TPO: variants seen among roughly 807,000 people sequenced by gnomAD.
The protein encoded by TPO is thyroid microsomal antigen.
TPO carries 78 observed loss-of-function variants against 96.9 expected under a neutral mutation model. That is an observed-to-expected ratio of 0.81 (90% confidence interval 0.67 to 0.97). The LOEUF is 0.97. Among genes scored for constraint, TPO ranks in the 50% least tolerant of loss-of-function variants. TPO has a pLI of 0.00. For synonymous variants in TPO, 547 were observed against 538.0 expected (o/e 1.02, Z -0.23); for missense variants, 1,252 against 1,274.8 (o/e 0.98, Z 0.27).
chr2:1,396,242 A>T (rs1226758654), intron 1 of TPO, among the ~76,000 whole-genome samples: 6 of 152,200 alleles, frequency 3.9e-5, no homozygotes, highest in Non-Finnish European at 8.8e-5. Flanking sequence ...GCTAAAAAGT[A>T]ATCTGGGAAA....
intron 2 of TPO, among the ~76,000 whole-genome samples, chr2:1,422,323 G>C (rs1663691563): frequency 7.6e-6 from 1 of 131,250 alleles, no homozygotes. Flanking sequence ...GACAGACCTC[G>C]TGCAGGCGCC....
intron 13 of TPO, 101 bp from the exon 14 acceptor site, chr2:1,503,847 T>C: frequency 3.1e-6 from 5 of 1,603,914 alleles, no homozygotes; most frequent in Middle Eastern, 1.7e-4. Flanking sequence ...GGCAAAGGGC[T>C]GACCTCCCCA....
intron 8 of TPO, among the ~76,000 whole-genome samples, chr2:1,478,588 G>A (rs1279132021): frequency 6.6e-6 from 1 of 152,242 alleles, no homozygotes; most frequent in Non-Finnish European, 1.5e-5. Flanking sequence ...CATGCGCTGG[G>A]TGTTAACCCT....
intron 15 of TPO, among the ~76,000 whole-genome samples, chr2:1,524,623 T>C (rs1573544450): frequency 1.4e-5 from 1 of 70,740 alleles, no homozygotes. Context: ...GTGTGCAACC[T>C]CCTCAAATCC....
chr2:1,530,788 G>C (rs572159450), intron 15 of TPO, among the ~76,000 whole-genome samples: 1,333 of 72,260 alleles, frequency 0.018, 273 homozygotes, highest in Non-Finnish European at 0.026. Context: ...GGGGGGCAAC[G>C]TCCTCAAATC....
Position 1,477,608 on chromosome 2 carries a change from C to T in TPO, c.1338+4C>T, listed in dbSNP as rs1242354025. On this transcript the variant is annotated splice_donor_region_variant and intron_variant, in intron 8 of 16. Coordinates refer to ENST00000329066, the MANE Select transcript of TPO (RefSeq NM_001206744.2). Reference sequence around the variant, plus strand: ...GGTCGTGGGCGCTCTGCACCAGGTGCGCGGGGTGGTCCTGGGCGCCCTGGG... The same window carrying T: ...GGTCGTGGGCGCTCTGCACCAGGTGTGCGGGGTGGTCCTGGGCGCCCTGGG... 4.6e-6 allele frequency: 7 copies of T among 1,516,376 alleles called. No homozygotes were observed. Among genetic ancestry groups the T allele is most frequent in the Non-Finnish European group, 5.3e-6 (6 of 1,137,900 alleles). 93.9% of individuals were successfully genotyped at this position (1,516,376 alleles called of 1,614,324 possible). A position where few individuals can be genotyped will look rare whatever the true frequency, so the allele number is the denominator to read the frequency against.
intron 15 of TPO, among the ~76,000 whole-genome samples, chr2:1,526,020 C>T (rs1291195609): frequency 1.9e-4 from 25 of 134,210 alleles, no homozygotes; most frequent in Non-Finnish European, 2.2e-4. Flanking sequence ...TGCAACCTCC[C>T]CAAATCCGCC....
At chr2:1,526,743 TCAAATCCCCACCACTCTGTGCAACCTCCC>T in intron 15 of TPO, among the ~76,000 whole-genome samples, 1 of 40,904 alleles carries the variant, frequency 2.4e-5, no homozygotes, top group Non-Finnish European at 4.6e-5. Flanking sequence ...TGCAACATCC[TCAAATCCCCACCACTCTGTGCAACCTCCC>T]CAAATCCCCC....
At position 1,436,360 on chromosome 2, in the gene TPO, C is replaced by G. The variant is rs551575711; in HGVS notation, c.458C>G (p.Pro153Arg). ...PNTCLANKYR[P>R]ITGACNNRDH... Reference sequence around the variant, plus strand: ...ACTTGCCTGGCGAACAAATACAGGCCCATCACAGGAGCTTGCAACAACAGG... The same window carrying G: ...ACTTGCCTGGCGAACAAATACAGGCGCATCACAGGAGCTTGCAACAACAGG... Residue 153 changes from proline to arginine, a missense_variant, in exon 5 of 17, where the codon CCC becomes CGC. Pro to Arg is a moderately radical substitution (Grantham distance 103, BLOSUM62 -2). Transcript: ENST00000329066. The G allele has an allele frequency of 6.2e-7, 1 of 1,614,152 alleles. No homozygotes were observed. The highest frequency in any genetic ancestry group is 2.2e-5 in the East Asian group (1 of 44,884).
At position 1,436,335 on chromosome 2, in the gene TPO, A is replaced by G. The variant is rs767258908; in HGVS notation, c.433A>G (p.Thr145Ala). The G allele has an allele frequency of 1.9e-6, 3 of 1,614,058 alleles. No individual in the cohort carries two copies. Among genetic ancestry groups the G allele is most frequent in the Non-Finnish European group, 2.5e-6 (3 of 1,180,038 alleles). ...PYMLPPKCPN[T>A]CLANKYRPIT... ...CATGCTGCCCCCAAAATGCCCAAAC[A>G]CTTGCCTGGCGAACAAATACAGGCC... is the stretch of plus-strand genomic sequence containing the variant. Residue 145 changes from threonine (T) to alanine (A), a missense_variant, in exon 5 of 17, where the codon ACT (threonine) becomes GCT (alanine). Thr to Ala is a moderately conservative substitution (Grantham distance 58, BLOSUM62 0). Transcript: ENST00000329066.
chr2:1,496,587 T>C lies in TPO; in HGVS notation c.2216-8T>C, dbSNP rs1558364733. On this transcript the variant is annotated splice_polypyrimidine_tract_variant and splice_region_variant and intron_variant, in intron 12 of 16. Coordinates refer to ENST00000329066, the MANE Select transcript of TPO (RefSeq NM_001206744.2). ...TTGACTACATGTCAACCTGTCCACA[T>C]TTCATAGACGACAAGTGTGGCTTCC... 1 of 1,613,798 alleles carries C rather than the reference T, an allele frequency of 6.2e-7. No homozygotes were observed. The highest frequency in any genetic ancestry group is 1.1e-5 in the South Asian group (1 of 91,062).
At chr2:1,457,970 A>G (rs890004513) in intron 7 of TPO, among the ~76,000 whole-genome samples, 8 of 151,416 alleles carry the variant, frequency 5.3e-5, no homozygotes, top group Non-Finnish European at 1.2e-4. Context: ...TGTATATGGC[A>G]TATAAGATAG....
intron 15 of TPO, among the ~76,000 whole-genome samples, chr2:1,535,038 C>T (rs1281942388): frequency 2.8e-5 from 4 of 142,456 alleles, no homozygotes; most frequent in African/African-American, 5.2e-5. Flanking sequence ...CCAAATCCCC[C>T]CCACTGTGTG....
At chr2:1,472,562 C>T (rs1669523817) in intron 7 of TPO, among the ~76,000 whole-genome samples, 1 of 152,120 alleles carries the variant, frequency 6.6e-6, no homozygotes, top group Non-Finnish European at 1.5e-5. Context: ...GAGCGCCAAG[C>T]CATCCCTGCT....
chr2:1,416,578 G>A (rs1045206475), intron 2 of TPO, among the ~76,000 whole-genome samples: 1 of 152,166 alleles, frequency 6.6e-6, no homozygotes, highest in African/African-American at 2.4e-5. Flanking sequence ...TTAAACTTTT[G>A]GTTGACACAT....
rs770209898 is a variant in TPO at position 1,414,407 on chromosome 2, G to T, written c.-1-1G>T. ...ACTCTGTCTCCTTCCGTTAATTTTA[G>T]AATGAGAGCGCTCGCTGTGCTGTCT... On this transcript the variant is annotated splice_acceptor_variant, in intron 1 of 16. Coordinates refer to ENST00000329066, the MANE Select transcript of TPO (RefSeq NM_001206744.2). LOFTEE classifies it low-confidence loss of function (5UTR_SPLICE). 1 of 1,613,124 alleles carries T rather than the reference G, an allele frequency of 6.2e-7. No homozygotes were observed. Among genetic ancestry groups the T allele is most frequent in the Admixed American group, 1.7e-5 (1 of 59,920 alleles).
chr2:1,468,278 T>A (rs1027760620), intron 7 of TPO, among the ~76,000 whole-genome samples: 1 of 152,134 alleles, frequency 6.6e-6, no homozygotes, highest in African/African-American at 2.4e-5. Flanking sequence ...GTTTTTTTAA[T>A]TGTATTTTTG....
intron 8 of TPO, among the ~76,000 whole-genome samples, chr2:1,482,111 A>G (rs1670702956): frequency 6.6e-6 from 1 of 152,234 alleles, no homozygotes. Context: ...AGAGCAGGGT[A>G]GGTGACTTTG....
intron 1 of TPO, 114 bp downstream of exon 1, chr2:1,413,659 C>A (rs868841579): frequency 1.0e-6 from 1 of 985,338 alleles, no homozygotes; most frequent in Non-Finnish European, 1.2e-6. Context: ...GTATGGGTGG[C>A]GTCTCTCAGC....
Sources: gnomAD v4.1 joint callset for allele counts (sites outside exome capture counted in the v4.1 genomes callset) on GRCh38, gnomAD v4.1.1 for gene constraint, MANE v1.5 for transcripts, NCBI Gene and HGNC (gene_info 2026-07-23, HGNC 2026-07-21) for gene names.